Variants in OPRM1 observed in about 807,000 individuals in gnomAD.
OPRM1 encodes mu-type opioid receptor.
In OPRM1, 27 loss-of-function variants were observed where a neutral mutation model predicts 31.8. The observed-to-expected ratio is 0.85, with a 90% CI of 0.63 to 1.17. The LOEUF (loss-of-function observed/expected upper bound fraction) is 1.17, where lower values mean the gene tolerates loss of function less well. OPRM1 is among the 50% of genes most tolerant of loss of function. OPRM1 has a pLI of 0.00. For missense variants in OPRM1, 536 were observed against 511.1 expected (o/e 1.05, Z -0.47); for synonymous variants, 196 against 189.9 (o/e 1.03, Z -0.26).
intron 1 of OPRM1, among the ~76,000 whole-genome samples, chr6:154,088,705 C>A (rs963250501): frequency 6.6e-6 from 1 of 152,112 alleles, no homozygotes. Flanking sequence ...GTCAATTCCA[C>A]CTCAATAAAG....
rs931794007 is a variant in OPRM1, at chr6:154,213,037, G to A, written c.1165-33656G>A. ...AATTACATAAGAGGCAGAAACAAAT[G>A]GCCAATTCGGGGCTCCTGACCTCAA... On this transcript the variant is annotated intron_variant, in intron 3 of 3. Coordinates refer to the OPRM1 transcript ENST00000337049. 1.8e-5 allele frequency: 10 copies of A among 570,360 alleles called. No individual in the cohort carries two copies. In the East Asian group the frequency reaches 2.8e-4, roughly 16 times the overall value. 35.3% of individuals were successfully genotyped at this position (570,360 alleles called of 1,614,324 possible).
intron 3 of OPRM1, chr6:154,093,472 C>T: frequency 6.2e-7 from 1 of 1,612,704 alleles, no homozygotes; most frequent in Non-Finnish European, 8.5e-7. Flanking sequence ...AGTTGCCCGA[C>T]ACTGCCCTTG....
intron 1 of OPRM1, among the ~76,000 whole-genome samples, chr6:154,072,130 A>G (rs1310394015): frequency 6.6e-6 from 1 of 152,200 alleles, no homozygotes; most frequent in Non-Finnish European, 1.5e-5. Flanking sequence ...CAACGTGGGA[A>G]TGGTAAGATA....
intron 1 of OPRM1, among the ~76,000 whole-genome samples, chr6:154,047,384 G>A (rs1394331118): frequency 6.6e-6 from 1 of 152,106 alleles, no homozygotes. Flanking sequence ...CTCCTTAAGG[G>A]TTAGGAACGC....
chr6:154,142,528 C>T (rs1355172927), intron 3 of OPRM1, among the ~76,000 whole-genome samples: 1 of 152,070 alleles, frequency 6.6e-6, no homozygotes, highest in African/African-American at 2.4e-5. Context: ...GGCGGCTCTC[C>T]CTGAAGGAAG....
exon 4 of OPRM1, chr6:154,246,729 C>A: frequency 6.2e-7 from 1 of 1,613,918 alleles, no homozygotes; most frequent in Non-Finnish European, 8.5e-7. Context: ...GATCTTTACA[C>A]GATATCCTCC....
intron 1 of OPRM1, chr6:154,073,440 C>T: frequency 6.6e-6 from 1 of 152,144 alleles, no homozygotes; most frequent in East Asian, 1.9e-4. Flanking sequence ...CTACTGCAAG[C>T]CATCTCATCC....
chr6:154,094,228 A>G, intron 3 of OPRM1: 7 of 1,287,830 alleles, frequency 5.4e-6, no homozygotes, highest in Non-Finnish European at 7.1e-6. Context: ...TCCAATATCA[A>G]ACCTTCCCAG....
chr6:154,225,682 A>G (rs955073566), intron 3 of OPRM1, among the ~76,000 whole-genome samples: 25 of 152,354 alleles, frequency 1.6e-4, no homozygotes, highest in African/African-American at 5.8e-4. Flanking sequence ...AGGGGGTTGC[A>G]CAACATTGTG....
intron 3 of OPRM1, among the ~76,000 whole-genome samples, chr6:154,207,190 G>A (rs1202431172): frequency 1.3e-5 from 2 of 152,228 alleles, no homozygotes; most frequent in Non-Finnish European, 1.5e-5. Context: ...GAGAGCCACC[G>A]GGCTGCGTGA....
chr6:154,205,888 G>T (rs980327137), intron 3 of OPRM1, among the ~76,000 whole-genome samples: 5 of 151,856 alleles, frequency 3.3e-5, no homozygotes, highest in African/African-American at 1.2e-4. Flanking sequence ...CTCCAACTAG[G>T]ATTACAATAG....
intron 1 of OPRM1, among the ~76,000 whole-genome samples, chr6:154,081,159 T>G (rs775588623): frequency 1.6e-4 from 25 of 152,160 alleles, no homozygotes; most frequent in Admixed American, 3.3e-4. Flanking sequence ...ACAGAGAGGT[T>G]GTGAGTCAGT....
intron 3 of OPRM1, among the ~76,000 whole-genome samples, chr6:154,186,376 TTG>T (rs1397815351): frequency 1.3e-5 from 2 of 152,150 alleles, no homozygotes; most frequent in East Asian, 3.9e-4. Context: ...GCAAATTCCA[TTG>T]TCTCATTTTA....
chr6:154,068,406 A>G (rs1167846411), intron 1 of OPRM1, among the ~76,000 whole-genome samples: 1 of 151,970 alleles, frequency 6.6e-6, no homozygotes, highest in Non-Finnish European at 1.5e-5. Context: ...TCTATTCTCT[A>G]CTTGTGTGAG....
chr6:154,215,016 G>A (rs1227284617), intron 3 of OPRM1, among the ~76,000 whole-genome samples: 1 of 152,166 alleles, frequency 6.6e-6, no homozygotes, highest in African/African-American at 2.4e-5. Flanking sequence ...GTGTGTCTAT[G>A]ACATATACTC....
chr6:154,070,517 TTA>T (rs1786469286), intron 1 of OPRM1, among the ~76,000 whole-genome samples: 1 of 152,240 alleles, frequency 6.6e-6, no homozygotes, highest in Non-Finnish European at 1.5e-5. Flanking sequence ...AGTAAACTCT[TTA>T]GAGCAATGCC....
intron 3 of OPRM1, among the ~76,000 whole-genome samples, chr6:154,190,008 G>A (rs758051478): frequency 7.9e-5 from 12 of 151,846 alleles, no homozygotes; most frequent in Non-Finnish European, 1.6e-4. Context: ...TCAATTATAG[G>A]TAAGAAATTA....
In OPRM1 at chr6:154,041,616, TC is replaced by T. The variant is rs531518100; in HGVS notation, c.290+1783del. Among the ~76,000 whole-genome samples the T allele has an allele frequency of 1.1e-4, 17 of 150,834 alleles. No homozygotes were observed. The East Asian group carries it at 3.3e-3, about 29-fold the overall frequency. ...TTCATTAATTCAGTGCCACTAAATCTCTCCTAGCTAACATATTTTTTTTTTT... is the reference window on the plus strand; with the variant it reads ...TTCATTAATTCAGTGCCACTAAATCTTCCTAGCTAACATATTTTTTTTTTT... On this transcript the variant is annotated intron_variant, in intron 1 of 3. Coordinates refer to ENST00000330432, the MANE Select transcript of OPRM1 (RefSeq NM_000914.5).
In OPRM1 at chr6:154,039,386, C is replaced by T. The variant is rs1441144749; in HGVS notation, c.-159C>T. 1.9e-6 allele frequency: 3 copies of T among 1,545,872 alleles called. No individual in the cohort carries two copies. The highest frequency in any genetic ancestry group is 1.7e-6 in the Non-Finnish European group (2 of 1,143,322). ...GTCAGATGCTCAGCTCGGTCCCCTCCGCCTGACGCTCCTCTCTGTCTCAGC... is the reference window on the plus strand; with the variant it reads ...GTCAGATGCTCAGCTCGGTCCCCTCTGCCTGACGCTCCTCTCTGTCTCAGC... On this transcript the variant is annotated 5_prime_UTR_variant, in exon 1 of 4. Coordinates refer to ENST00000330432, the MANE Select transcript of OPRM1 (RefSeq NM_000914.5).
Sources: gnomAD v4.1 joint callset for allele counts (sites outside exome capture counted in the v4.1 genomes callset) on GRCh38, gnomAD v4.1.1 for gene constraint, MANE v1.5 for transcripts, NCBI Gene and HGNC (gene_info 2026-07-23, HGNC 2026-07-21) for gene names.